DNAH9: variants seen among roughly 807,000 people sequenced by gnomAD.
DNAH9 encodes the protein dynein axonemal heavy chain 9, also known as DNAH9 variant protein.
A neutral mutation model predicts 471.6 loss-of-function variants in DNAH9; 345 were observed. That is an observed-to-expected ratio of 0.73 (90% CI 0.67 to 0.80). The LOEUF is 0.80. Among genes scored for constraint, DNAH9 ranks in the 30% least tolerant of loss-of-function variants. The probability of loss-of-function intolerance (pLI) is 0.00; values close to 1 mark genes in which losing one functional copy is unlikely to be tolerated. For synonymous variants in DNAH9, 2,093 were observed against 2,123.6 expected, an observed-to-expected ratio of 0.99 and a Z score of 0.40; for missense variants, 5,407 against 5,609.2, an observed-to-expected ratio of 0.96 and a Z score of 1.15.
intron 19 of DNAH9, among the ~76,000 whole-genome samples, chr17:11,684,637 T>C (rs1177108524): frequency 6.6e-6 from 1 of 152,226 alleles, no homozygotes; most frequent in Admixed American, 6.5e-5. Context: ...GAGGGATTAC[T>C]GAGCCAAAAT....
rs775535605 is a variant in DNAH9, at chr17:11,598,572, T to G, written c.74T>G (p.Leu25Arg). The G allele has an allele frequency of 2.2e-6, 3 of 1,341,826 alleles. No homozygotes were observed. The highest frequency in any genetic ancestry group is 2.4e-4 in the Middle Eastern group (1 of 4,148). 83.1% of individuals were successfully genotyped at this position (1,341,826 alleles called of 1,614,324 possible). ...ADGEPGADRR[L>R]RLLGTYVAMS... Reference sequence around the variant, plus strand: ...GGGGAACCCGGCGCCGACCGACGACTGCGACTCCTGGGGACCTACGTGGCC... The same window carrying G: ...GGGGAACCCGGCGCCGACCGACGACGGCGACTCCTGGGGACCTACGTGGCC... Residue 25 changes from leucine to arginine, a missense_variant, in exon 1 of 69, where the codon CTG becomes CGG. Physicochemically the swap from Leu to Arg is moderately radical, Grantham distance 102. Coordinates refer to ENST00000262442, the MANE Select transcript of DNAH9 (RefSeq NM_001372.4).
chr17:11,856,369 T>C (rs1299659283), intron 50 of DNAH9, among the ~76,000 whole-genome samples: 1 of 152,116 alleles, frequency 6.6e-6, no homozygotes, highest in Non-Finnish European at 1.5e-5. Context: ...AAAAAGGCTC[T>C]AGATCAAAGA....
rs773476077 is a variant in DNAH9, at chr17:11,822,926, G to A, written c.9138G>A (p.Glu3046=). 1.2e-6 allele frequency: 2 copies of A among 1,614,104 alleles called. No homozygotes were observed. The change falls in exon 48 of 69, where the codon GAG becomes GAA. Residue 3046 remains glutamate (E), a synonymous_variant. Coordinates refer to ENST00000262442, the MANE Select transcript of DNAH9 (RefSeq NM_001372.4). ...YNYTTPKSFL[E]FIRLYQSLLH... ...ATACAACTCCCAAGTCCTTTCTGGA[G>A]TTCATCAGACTCTACCAGAGCTTGT...
Position 11,834,637 on chromosome 17 carries a change from G to A in DNAH9, c.9247-1G>A. The A allele has an allele frequency of 6.2e-7, 1 of 1,613,960 alleles. No homozygotes were observed. Among genetic ancestry groups the A allele is most frequent in the Non-Finnish European group, 8.5e-7 (1 of 1,180,006 alleles). On this transcript the variant is annotated splice_acceptor_variant, in intron 48 of 68. Coordinates refer to ENST00000262442, the MANE Select transcript of DNAH9 (RefSeq NM_001372.4). LOFTEE classifies it high-confidence loss of function. ...ATAAGTCCCGTGCTTCTCCAATGCA[G>A]GTGGATGATCTGAAAGCAAAGCTGG...
chr17:11,805,894 G>A (rs1007722780), intron 43 of DNAH9, among the ~76,000 whole-genome samples: 3 of 151,816 alleles, frequency 2.0e-5, no homozygotes, highest in Admixed American at 1.3e-4. Context: ...CACGCATCCA[G>A]ACTGAAATCT....
At chr17:11,759,609 A>G (rs1269285625) in intron 35 of DNAH9, among the ~76,000 whole-genome samples, 3 of 125,838 alleles carry the variant, frequency 2.4e-5, no homozygotes, top group African/African-American at 3.1e-5. Context: ...TGCAACCTCC[A>G]CCTCCTGGGT....
intron 67 of DNAH9, among the ~76,000 whole-genome samples, chr17:11,957,973 A>G (rs1975743505): frequency 6.6e-6 from 1 of 152,238 alleles, no homozygotes. Context: ...GCAGATGTTT[A>G]TAACAGCATT....
At position 11,669,462 on chromosome 17, in the gene DNAH9, G is replaced by A; in HGVS notation, c.3021G>A (p.Gln1007=). The change falls in exon 17 of 69, where the codon CAG becomes CAA. Residue 1007 remains glutamine, a synonymous_variant. Transcript: ENST00000262442. ...TGATGGGCCTCTGCTGTGGCTATCAGAGCACCTTCAGCCAGTATTCGTACC... is the reference window on the plus strand; with the variant it reads ...TGATGGGCCTCTGCTGTGGCTATCAAAGCACCTTCAGCCAGTATTCGTACC... The part of the protein sequence containing the change: ...QRMMGLCCGY[Q]STFSQYSYLY... The A allele has an allele frequency of 1.9e-6, 3 of 1,614,160 alleles. No individual in the cohort carries two copies. Among genetic ancestry groups the A allele is most frequent in the South Asian group, 2.2e-5 (2 of 91,080 alleles).
intron 4 of DNAH9, among the ~76,000 whole-genome samples, chr17:11,616,359 C>T (rs1434780945): frequency 6.6e-6 from 1 of 152,158 alleles, no homozygotes; most frequent in Non-Finnish European, 1.5e-5. Context: ...AGAGCTTCAT[C>T]CGCATACTGT....
chr17:11,881,443 C>T, intron 55 of DNAH9, 30 bp downstream of exon 55: 1 of 1,597,704 alleles, frequency 6.3e-7, no homozygotes, highest in Non-Finnish European at 8.5e-7. Flanking sequence ...AATGTTCTGC[C>T]ACTAGAGCCT....
intron 1 of DNAH9, among the ~76,000 whole-genome samples, chr17:11,607,802 T>G (rs182328170): frequency 3.9e-4 from 60 of 152,226 alleles, no homozygotes; most frequent in Middle Eastern, 3.4e-3. Flanking sequence ...ACTCCCGACC[T>G]CAGGTGATCC....
At chr17:11,690,776 C>T (rs1379262487) in intron 20 of DNAH9, among the ~76,000 whole-genome samples, 2 of 152,094 alleles carry the variant, frequency 1.3e-5, no homozygotes, top group South Asian at 2.1e-4. Context: ...CTTCTTGGAT[C>T]GTTAAAATTC....
intron 48 of DNAH9, among the ~76,000 whole-genome samples, chr17:11,826,013 A>T (rs1970475098): frequency 6.6e-6 from 1 of 152,182 alleles, no homozygotes; most frequent in Non-Finnish European, 1.5e-5. Context: ...GAAGCCAAGG[A>T]CTGACAGCTG....
chr17:11,652,774 T>C lies in DNAH9; in HGVS notation c.2367T>C (p.Tyr789=), dbSNP rs771924330. ...LNWKTEGICD[Y]VTEITSSIHD... ...TTTGGGGAACAGGCATTTGCGATTA[T>C]GTCACTGAAATCACCAGTAGTATTC... is the stretch of plus-strand genomic sequence containing the variant. Residue 789 remains tyrosine (Y), a synonymous_variant, in exon 14 of 69, where the codon TAT becomes TAC. Coordinates refer to ENST00000262442, the MANE Select transcript of DNAH9 (RefSeq NM_001372.4). 3.1e-6 allele frequency: 5 copies of C among 1,613,338 alleles called. No individual in the cohort carries two copies. The highest frequency in any genetic ancestry group is 4.2e-6 in the Non-Finnish European group (5 of 1,179,740).
Position 11,598,618 on chromosome 17 carries a change from G to A in DNAH9, c.120G>A (p.Ala40=), listed in dbSNP as rs753319304. The change falls in exon 1 of 69, where the codon GCG becomes GCA. Residue 40 remains alanine, a synonymous_variant. Coordinates refer to ENST00000262442, the MANE Select transcript of DNAH9 (RefSeq NM_001372.4). ...TYVAMSLRPA[A]GAWERCAGSA... ...TGGCCATGAGCCTGCGGCCGGCTGC[G>A]GGCGCCTGGGAGCGTTGCGCGGGGA... is the stretch of plus-strand genomic sequence containing the variant. 8.9e-6 allele frequency: 12 copies of A among 1,343,178 alleles called. No homozygotes were observed. Among genetic ancestry groups the A allele is most frequent in the African/African-American group, 1.5e-5 (1 of 64,986 alleles). 83.2% of individuals were successfully genotyped at this position (1,343,178 alleles called of 1,614,324 possible).
At chr17:11,954,101 T>C (rs1975520726) in intron 67 of DNAH9, 1 of 151,980 alleles carries the variant, frequency 6.6e-6, no homozygotes, top group African/African-American at 2.4e-5. Flanking sequence ...CTAGGTCCTG[T>C]AGGATAATAT....
intron 8 of DNAH9, among the ~76,000 whole-genome samples, chr17:11,636,332 C>A (rs2073166088): frequency 6.6e-6 from 1 of 152,322 alleles, no homozygotes; most frequent in Admixed American, 6.5e-5. Flanking sequence ...TGTAGTTCAG[C>A]TTAACCTTGC....
rs142482934 is a variant in DNAH9, at chr17:11,762,594, C to G, written c.6996-846C>G. Among the ~76,000 whole-genome samples, 175 of 152,132 alleles carry G rather than the reference C, an allele frequency of 1.2e-3. 1 individual carries two copies. The highest frequency in any genetic ancestry group is 4.0e-3 in the African/African-American group (165 of 41,490). On this transcript the variant is annotated intron_variant, in intron 35 of 68. Coordinates refer to ENST00000262442, the MANE Select transcript of DNAH9 (RefSeq NM_001372.4). ...AGTTGAAGAACTCCATTCAGTTCAT[C>G]ATGATTGTATAAAATAACCATCTGT...
intron 22 of DNAH9, among the ~76,000 whole-genome samples, chr17:11,698,139 T>C (rs1334441072): frequency 7.4e-6 from 1 of 134,360 alleles, no homozygotes; most frequent in Admixed American, 8.1e-5. Flanking sequence ...TATAATTATA[T>C]ATTAGTATTA....
Sources: allele counts gnomAD v4.1 joint callset (sites outside exome capture counted in the v4.1 genomes callset), GRCh38; gene constraint gnomAD v4.1.1; transcripts MANE v1.5; gene names NCBI Gene and HGNC (gene_info 2026-07-23, HGNC 2026-07-21).